The following HCN1 variants were observed in gnomAD, a reference collection of about 807,000 sequenced individuals.
HCN1 encodes potassium/sodium hyperpolarization-activated cyclic nucleotide-gated channel 1.
A neutral mutation model predicts 78.9 loss-of-function variants in HCN1; 13 were observed. The observed-to-expected ratio is 0.16, with a 90% CI of 0.11 to 0.26. The LOEUF is 0.26. Ranked by LOEUF, HCN1 falls within the 10% of genes least tolerant of loss-of-function variation. HCN1 has a pLI of 1.00. For missense variants in HCN1, 810 were observed against 1,154.3 expected, an observed-to-expected ratio of 0.70 and a Z score of 4.32; for synonymous variants, 552 against 455.5, an observed-to-expected ratio of 1.21 and a Z score of -2.70.
chr5:45,577,087 C>T (rs1043334914), intron 2 of HCN1, among the ~76,000 whole-genome samples: 2 of 151,984 alleles, frequency 1.3e-5, no homozygotes, highest in Non-Finnish European at 2.9e-5. Flanking sequence ...TAGCTATTTG[C>T]TAACAATTAC....
intron 2 of HCN1, among the ~76,000 whole-genome samples, chr5:45,607,376 T>G (rs1205443347): frequency 1.3e-5 from 2 of 151,558 alleles, no homozygotes; most frequent in Non-Finnish European, 3.0e-5. Context: ...AAATCTCAAA[T>G]TTTTGCAAAT....
chr5:45,626,312 G>A (rs528241422), intron 2 of HCN1, among the ~76,000 whole-genome samples: 3 of 152,132 alleles, frequency 2.0e-5, no homozygotes, highest in East Asian at 1.9e-4. Context: ...GAATATTGAC[G>A]TGGAAATCAC....
chr5:45,656,692 AATGTAGGCTC>A (rs1345213757), intron 1 of HCN1, among the ~76,000 whole-genome samples: 3 of 152,210 alleles, frequency 2.0e-5, no homozygotes, highest in African/African-American at 7.2e-5. Context: ...TCCCAATTAA[AATGTAGGCTC>A]ATGATCAAAG....
intron 5 of HCN1, among the ~76,000 whole-genome samples, chr5:45,341,870 C>T (rs1187068404): frequency 6.6e-6 from 1 of 152,204 alleles, no homozygotes; most frequent in Non-Finnish European, 1.5e-5. Context: ...AACACTCCCA[C>T]TCACTCTGCT....
At chr5:45,363,742 G>A (rs767424910) in intron 4 of HCN1, among the ~76,000 whole-genome samples, 1 of 151,930 alleles carries the variant, frequency 6.6e-6, no homozygotes, top group African/African-American at 2.4e-5. Context: ...GAGATCTGAC[G>A]GGTTTATCAG....
chr5:45,361,315 A>G (rs1488873823), intron 4 of HCN1, among the ~76,000 whole-genome samples: 2 of 152,074 alleles, frequency 1.3e-5, no homozygotes, highest in Admixed American at 6.6e-5. Flanking sequence ...AGCTGAGATT[A>G]CAGGCATGCA....
intron 3 of HCN1, among the ~76,000 whole-genome samples, chr5:45,444,928 T>G (rs983439581): frequency 1.3e-5 from 2 of 152,104 alleles, no homozygotes; most frequent in Non-Finnish European, 2.9e-5. Context: ...TAGGAACAGC[T>G]CCAGTCTACA....
At chr5:45,634,069 A>C (rs1381754609) in intron 2 of HCN1, among the ~76,000 whole-genome samples, 2 of 152,036 alleles carry the variant, frequency 1.3e-5, no homozygotes, top group African/African-American at 4.8e-5. Flanking sequence ...ATAGGGCGGC[A>C]GGAAGACTTC....
chr5:45,353,384 T>C, intron 4 of HCN1, 138 bp from the exon 5 acceptor site: 1 of 661,764 alleles, frequency 1.5e-6, no homozygotes, highest in Non-Finnish European at 2.6e-6. Flanking sequence ...ATGAAGGAAC[T>C]AATTTACCTG....
intron 6 of HCN1, among the ~76,000 whole-genome samples, chr5:45,285,734 G>C (rs539678957): frequency 1.3e-5 from 2 of 152,076 alleles, no homozygotes; most frequent in African/African-American, 4.8e-5. Context: ...ATTGACTAAT[G>C]ATGGCAGGAA....
At chr5:45,315,214 C>T (rs1745956092) in intron 5 of HCN1, among the ~76,000 whole-genome samples, 1 of 152,332 alleles carries the variant, frequency 6.6e-6, no homozygotes, top group African/African-American at 2.4e-5. Flanking sequence ...AACAAACTGT[C>T]TCTCGGACCA....
chr5:45,455,986 T>C (rs559406112), intron 3 of HCN1, among the ~76,000 whole-genome samples: 1 of 151,920 alleles, frequency 6.6e-6, no homozygotes, highest in South Asian at 2.1e-4. Context: ...TAAAATAGAG[T>C]AACCTAGATT....
intron 6 of HCN1, among the ~76,000 whole-genome samples, chr5:45,275,895 T>TAG (rs1177509054): frequency 6.6e-6 from 1 of 152,152 alleles, no homozygotes; most frequent in Non-Finnish European, 1.5e-5. Context: ...CTTTCAATCT[T>TAG]TAAATCTAGC....
chr5:45,494,166 G>A (rs949009776), intron 2 of HCN1, among the ~76,000 whole-genome samples: 1 of 152,166 alleles, frequency 6.6e-6, no homozygotes, highest in Non-Finnish European at 1.5e-5. Flanking sequence ...GATCCCTGAG[G>A]AATCGCCACA....
chr5:45,691,109 T>C (rs1739903653), intron 1 of HCN1, among the ~76,000 whole-genome samples: 1 of 152,096 alleles, frequency 6.6e-6, no homozygotes, highest in Admixed American at 6.6e-5. Context: ...TTTGTGGTTT[T>C]TGATCAAGCA....
At chr5:45,566,823 G>A (rs931429666) in intron 2 of HCN1, among the ~76,000 whole-genome samples, 6 of 152,166 alleles carry the variant, frequency 3.9e-5, no homozygotes, top group Non-Finnish European at 7.3e-5. Context: ...ACTCTCATAT[G>A]GTTTCTTGTG....
At chr5:45,569,660 C>G (rs1255086871) in intron 2 of HCN1, among the ~76,000 whole-genome samples, 1 of 151,940 alleles carries the variant, frequency 6.6e-6, no homozygotes, top group Non-Finnish European at 1.5e-5. Context: ...TTAATATTCC[C>G]AGTCTTTATC....
rs1740827283 is a variant in HCN1 at position 45,447,661 on chromosome 5, G to T, written c.1011+14185C>A. 3.9e-5 allele frequency among the ~76,000 whole-genome samples: 6 copies of T among 152,068 alleles called. 1 individual carries two copies. The South Asian group carries it at 1.2e-3, about 32-fold the overall frequency. ...TATCAATCTGTACTTTAGGATCTGG[G>T]GAGAGAAAACATTCGCTCAACCTGT... On this transcript the variant is annotated intron_variant, in intron 3 of 7. Transcript: ENST00000303230.
intron 2 of HCN1, among the ~76,000 whole-genome samples, chr5:45,622,016 C>T (rs562476296): frequency 1.3e-5 from 2 of 151,872 alleles, no homozygotes; most frequent in Non-Finnish European, 2.9e-5. Context: ...GTCAGGAGAT[C>T]GAGACCATCC....
Sources: gnomAD v4.1 joint callset for allele counts (sites outside exome capture counted in the v4.1 genomes callset) on GRCh38, gnomAD v4.1.1 for gene constraint, MANE v1.5 for transcripts, NCBI Gene and HGNC (gene_info 2026-07-23, HGNC 2026-07-21) for gene names.